The following VPS13B variants were observed in gnomAD, a reference collection of about 807,000 sequenced individuals.
VPS13B encodes intermembrane lipid transfer protein VPS13B.
VPS13B carries 285 observed loss-of-function variants against 426.4 expected under a neutral mutation model. That is an observed-to-expected ratio of 0.67 (90% confidence interval 0.61 to 0.74). The LOEUF (loss-of-function observed/expected upper bound fraction) is 0.74, where lower values mean the gene tolerates loss of function less well. VPS13B is among the 30% of genes least tolerant of loss of function. The probability of loss-of-function intolerance (pLI) is 0.00; values close to 1 mark genes in which losing one functional copy is unlikely to be tolerated. For missense variants in VPS13B, 4,537 were observed against 4,782.6 expected (o/e 0.95, Z 1.51); for synonymous variants, 1,676 against 1,676.4 (o/e 1.00, Z 0.01).
chr8:99,259,401 G>A (rs1588182218), intron 17 of VPS13B, among the ~76,000 whole-genome samples: 1 of 151,948 alleles, frequency 6.6e-6, no homozygotes, highest in South Asian at 2.1e-4. Context: ...GCTTTGTGTG[G>A]GTTCCCCTAA....
At chr8:99,265,644 A>G (rs1408104328) in intron 17 of VPS13B, among the ~76,000 whole-genome samples, 1 of 152,158 alleles carries the variant, frequency 6.6e-6, no homozygotes, top group Non-Finnish European at 1.5e-5. Context: ...AGGATCCTAC[A>G]TGGATTAAGA....
chr8:99,427,637 G>A (rs1173414211), intron 21 of VPS13B, among the ~76,000 whole-genome samples: 1 of 151,930 alleles, frequency 6.6e-6, no homozygotes, highest in African/African-American at 2.4e-5. Context: ...AAATAAAAGA[G>A]GATACAAACA....
intron 19 of VPS13B, among the ~76,000 whole-genome samples, chr8:99,324,180 A>G (rs1235410878): frequency 1.3e-5 from 2 of 152,240 alleles, no homozygotes; most frequent in Non-Finnish European, 2.9e-5. Context: ...CTTAGAAGCC[A>G]AGCAGAGATA....
intron 30 of VPS13B, chr8:99,537,001 TA>T: frequency 2.9e-6 from 1 of 340,008 alleles, no homozygotes. Flanking sequence ...GTCCTTCTGG[TA>T]AACCATGTCA....
chr8:99,378,476 A>G (rs527297973), intron 19 of VPS13B, among the ~76,000 whole-genome samples: 58 of 152,330 alleles, frequency 3.8e-4, no homozygotes, highest in Non-Finnish European at 7.1e-4. Flanking sequence ...AAAGACAGGC[A>G]TAGGAAATTG....
intron 3 of VPS13B, among the ~76,000 whole-genome samples, chr8:99,061,033 A>G (rs1341492931): frequency 6.6e-6 from 1 of 152,188 alleles, no homozygotes; most frequent in Non-Finnish European, 1.5e-5. Flanking sequence ...ACTATAATTT[A>G]TGTCTAAATG....
intron 35 of VPS13B, among the ~76,000 whole-genome samples, chr8:99,681,791 T>C (rs1410136015): frequency 6.6e-6 from 1 of 152,216 alleles, no homozygotes; most frequent in East Asian, 1.9e-4. Context: ...GCATTTGTAA[T>C]CCTTAATTAC....
chr8:99,554,152 C>T (rs928830441), intron 30 of VPS13B, among the ~76,000 whole-genome samples: 11 of 151,960 alleles, frequency 7.2e-5, no homozygotes, highest in African/African-American at 1.7e-4. Context: ...AATAGGAAAT[C>T]GGTTGTTTAC....
intron 51 of VPS13B, among the ~76,000 whole-genome samples, chr8:99,830,160 G>A (rs949840144): frequency 3.9e-5 from 6 of 152,218 alleles, no homozygotes; most frequent in African/African-American, 1.2e-4. Context: ...TTCAGAGTTG[G>A]CAGTCAGGAA....
In VPS13B at chr8:99,133,243, C is replaced by G. The variant is rs141423942; in HGVS notation, c.1207-1389C>G. Among the ~76,000 whole-genome samples, 364 of 152,294 alleles carry G rather than the reference C, an allele frequency of 2.4e-3. 2 individuals are homozygous for G. The highest frequency in any genetic ancestry group is 8.5e-3 in the African/African-American group (355 of 41,556). ...TTTATGGTATGGAGACGTCTTCGTT[C>G]CATAAGGCTCATGAACAGACCTCTG... On this transcript the variant is annotated intron_variant, in intron 8 of 61. Transcript: ENST00000357162.
At chr8:99,106,384 G>A (rs1369841423) in intron 5 of VPS13B, among the ~76,000 whole-genome samples, 7 of 119,894 alleles carry the variant, frequency 5.8e-5, no homozygotes, top group Admixed American at 2.2e-4. Flanking sequence ...GCAGTGAGTC[G>A]AAATTGTGCC....
rs984224710 is a variant in VPS13B, at chr8:99,823,834, A to G, written c.9186A>G (p.Leu3062=). The G allele has an allele frequency of 9.9e-6, 16 of 1,613,272 alleles. No homozygotes were observed. The highest frequency in any genetic ancestry group is 1.7e-5 in the Admixed American group (1 of 59,986). ...RLGAFPGHQK[L]CQFCISSMVQ... ...ATTTTTTCTCAATTATCTTGTAGTTATGTCAGTTCTGCATTTCCTCCATGG... is the reference window on the plus strand; with the variant it reads ...ATTTTTTCTCAATTATCTTGTAGTTGTGTCAGTTCTGCATTTCCTCCATGG... Residue 3062 remains leucine, a splice_region_variant and synonymous_variant, in exon 51 of 62, where the codon TTA becomes TTG. Transcript: ENST00000357162.
chr8:99,468,824 A>G (rs1241514087), intron 24 of VPS13B, among the ~76,000 whole-genome samples: 1 of 152,074 alleles, frequency 6.6e-6, no homozygotes, highest in Non-Finnish European at 1.5e-5. Flanking sequence ...AATTAACTGT[A>G]TTTTTGTTTG....
intron 3 of VPS13B, among the ~76,000 whole-genome samples, chr8:99,067,412 A>C (rs1420061130): frequency 6.6e-6 from 1 of 152,212 alleles, no homozygotes; most frequent in African/African-American, 2.4e-5. Context: ...CAAACACCGC[A>C]TGATCTCACT....
intron 39 of VPS13B, among the ~76,000 whole-genome samples, chr8:99,762,223 A>G (rs1472454110): frequency 6.6e-6 from 1 of 151,950 alleles, no homozygotes; most frequent in Admixed American, 6.6e-5. Context: ...ACAGGGTCTT[A>G]CCGAGTTGCC....
chr8:99,557,632 T>C (rs140195440), intron 31 of VPS13B, among the ~76,000 whole-genome samples: 40 of 152,296 alleles, frequency 2.6e-4, no homozygotes, highest in African/African-American at 9.4e-4. Context: ...TTTCATATAA[T>C]GACTTATTTT....
At chr8:99,121,044 A>T in intron 7 of VPS13B, 133 bp from the exon 8 acceptor site, 1 of 742,122 alleles carries the variant, frequency 1.3e-6, no homozygotes, top group Non-Finnish European at 2.2e-6. Context: ...TTCAAATAGT[A>T]ATAATCACTG....
At chr8:99,109,861 A>T (rs1409720684) in intron 5 of VPS13B, among the ~76,000 whole-genome samples, 1 of 152,198 alleles carries the variant, frequency 6.6e-6, no homozygotes, top group Non-Finnish European at 1.5e-5. Context: ...TAAGAGATGT[A>T]AAAGACTTAG....
At chr8:99,346,266 G>A (rs966712219) in intron 19 of VPS13B, 2 of 152,114 alleles carry the variant, frequency 1.3e-5, no homozygotes, top group African/African-American at 4.8e-5. Flanking sequence ...AGTTTGTCAT[G>A]TCAGTAAAGG....
Sources: allele counts gnomAD v4.1 joint callset (sites outside exome capture counted in the v4.1 genomes callset), GRCh38; gene constraint gnomAD v4.1.1; transcripts MANE v1.5; gene names NCBI Gene and HGNC (gene_info 2026-07-23, HGNC 2026-07-21).